Variants in SLFN11 observed in about 807,000 individuals in gnomAD.
SLFN11 encodes the protein schlafen family member 11.
SLFN11 carries 43 observed loss-of-function variants against 53.4 expected under a neutral mutation model. The ratio of observed to expected loss-of-function variants is 0.80; its 90% CI spans 0.63 to 1.04. The LOEUF (loss-of-function observed/expected upper bound fraction) is 1.04, where lower values mean the gene tolerates loss of function less well. SLFN11 is among the 50% of genes least tolerant of loss of function. SLFN11 has a pLI of 0.00. For missense variants in SLFN11, 990 were observed against 1,079.1 expected (o/e 0.92, Z 1.16); for synonymous variants, 389 against 394.7 (o/e 0.99, Z 0.17).
At position 35,353,838 on chromosome 17, in the gene SLFN11, TG is replaced by T. The variant is rs768750393; in HGVS notation, c.1419del (p.Tyr473Ter). 36 of 1,604,008 alleles carry T rather than the reference TG, an allele frequency of 2.2e-5. No homozygotes were observed. Among genetic ancestry groups the T allele is most frequent in the Non-Finnish European group, 3.1e-5 (36 of 1,173,210 alleles). Reference protein sequence around the residue: ...LIAQNSTPILYTILREQDAEG... With the variant: ...LIAQNSTPILXTILREQDAEG... ...TCTGCATCTTGCTCCCTGAGAATGG[TG>T]TAGAGAATGGGGGTGCTGTTCTGTG... On this transcript the variant is annotated frameshift_variant, in exon 6 of 7. Transcript: ENST00000685675. LOFTEE classifies it high-confidence loss of function.
chr17:35,358,412 C>T lies in SLFN11; in HGVS notation c.1198+1831G>A, dbSNP rs182459139. ...ATTTTAATCCCTCTAATTTCTTTCT[C>T]TTATCTAACTGTATTGGCCAATTAA... On this transcript the variant is annotated intron_variant, in intron 5 of 6. Coordinates refer to ENST00000685675, the MANE Select transcript of SLFN11 (RefSeq NM_001376007.1). Among the ~76,000 whole-genome samples, 174 of 151,700 alleles carry T rather than the reference C, an allele frequency of 1.1e-3. 1 individual carries two copies. The highest frequency in any genetic ancestry group is 4.1e-3 in the African/African-American group (168 of 41,434).
chr17:35,352,697 T>C lies in SLFN11; in HGVS notation c.2365A>G (p.Met789Val), dbSNP rs778886502. 2.5e-6 allele frequency: 4 copies of C among 1,614,198 alleles called. No homozygotes were observed. Among genetic ancestry groups the C allele is most frequent in the East Asian group, 2.2e-5 (1 of 44,892 alleles). Residue 789 changes from methionine to valine, a missense_variant, in exon 7 of 7, where the codon ATG (methionine) becomes GTG (valine). Around this residue, in one of 3 missense-constraint regions of SLFN11, gnomAD observed 313 missense variants for 320.9 expected, o/e 0.98. Coordinates refer to ENST00000685675, the MANE Select transcript of SLFN11 (RefSeq NM_001376007.1). ...CTGCACGTGTCTGCCACACAGGTCATTATTTGCTCCACAGTCAAGTATTTC... is the reference window on the plus strand; with the variant it reads ...CTGCACGTGTCTGCCACACAGGTCACTATTTGCTCCACAGTCAAGTATTTC... Reference protein sequence around the residue: ...IKKYLTVEQIMTCVADTCRRF... With the variant: ...IKKYLTVEQIVTCVADTCRRF...
In SLFN11 at chr17:35,363,709, C is replaced by T. The variant is rs765768730; in HGVS notation, c.99G>A (p.Lys33=). The part of the protein sequence containing the change: ...EVTLGEENRK[K]LQKIQRDQEK... ...CTTGGTCTCTCTGAATTTTCTGCAG[C>T]TTTTTTCTGTTTTCTTCTCCAAGAG... The change falls in exon 4 of 7, where the codon AAG becomes AAA. Residue 33 remains lysine, a synonymous_variant. Transcript: ENST00000685675. 12 of 1,613,906 alleles carry T rather than the reference C, an allele frequency of 7.4e-6. No individual in the cohort carries two copies. Among genetic ancestry groups the T allele is most frequent in the South Asian group, 2.2e-5 (2 of 91,072 alleles).
rs1157422213 is a variant in SLFN11, at chr17:35,354,033, G to T, written c.1225C>A (p.Pro409Thr). The T allele has an allele frequency of 1.2e-6, 2 of 1,612,104 alleles. No homozygotes were observed. The highest frequency in any genetic ancestry group is 1.7e-5 in the Admixed American group (1 of 59,826). The change falls in exon 6 of 7, where the codon CCA becomes ACA. Residue 409 changes from proline to threonine, a missense_variant. Physicochemically the swap from Pro to Thr is conservative, Grantham distance 38 (BLOSUM62 -1). Transcript: ENST00000685675. ...SVPPGYLRYT[P>T]ESLWRDLISE... Reference sequence around the variant, plus strand: ...ATCAGGTCCCTCCAGAGTGACTCTGGAGTATATCGCAAATATCCTGGTGGG... The same window carrying T: ...ATCAGGTCCCTCCAGAGTGACTCTGTAGTATATCGCAAATATCCTGGTGGG...
At chr17:35,353,305 A>G (rs1320609273) in intron 6 of SLFN11, 31 bp downstream of exon 6, 4 of 1,613,580 alleles carry the variant, frequency 2.5e-6, no homozygotes, top group Admixed American at 3.3e-5. Context: ...AGATTAAATA[A>G]TACTTAGAGA....
chr17:35,372,784 A>G (rs964934311), intron 1 of SLFN11, among the ~76,000 whole-genome samples: 4 of 152,062 alleles, frequency 2.6e-5, no homozygotes, highest in African/African-American at 9.7e-5. Flanking sequence ...CACAGAAATT[A>G]AAAATTAATT....
rs76350620 is a variant in SLFN11 at position 35,352,166 on chromosome 17, G to A, written c.*190C>T. ...GCTGGAAGAGTCAGGGGTCAGAATG[G>A]GGGGCAGCCACCGCTGCTGAAAGGG... On this transcript the variant is annotated 3_prime_UTR_variant, in exon 7 of 7. Coordinates refer to ENST00000685675, the MANE Select transcript of SLFN11 (RefSeq NM_001376007.1). The A allele has an allele frequency of 0.035, 22,505 of 644,002 alleles. 440 individuals carry two copies. The highest frequency in any genetic ancestry group is 0.074 in the East Asian group (2,649 of 35,666). 39.9% of individuals were successfully genotyped at this position (644,002 alleles called of 1,614,324 possible). A position where few individuals can be genotyped will look rare whatever the true frequency, so the allele number is the denominator to read the frequency against.
In SLFN11 at chr17:35,352,899, T is replaced by A. The variant is rs1290831310; in HGVS notation, c.2163A>T (p.Gln721His). ...TTCTGGTGAGCTCTTCTCTTGGATATTGGTCTGAGAGAGGAGGGAGGCCAC... is the reference window on the plus strand; with the variant it reads ...TTCTGGTGAGCTCTTCTCTTGGATAATGGTCTGAGAGAGGAGGGAGGCCAC... ...DCSGLPPLSD[Q>H]YPREELTRIV... Residue 721 changes from glutamine to histidine, a missense_variant, in exon 7 of 7, where the codon CAA (glutamine) becomes CAT (histidine). Gln to His is a conservative substitution (Grantham distance 24). Around this residue, in one of 3 missense-constraint regions of SLFN11, gnomAD observed 313 missense variants for 320.9 expected, o/e 0.98. Transcript: ENST00000685675. 1.2e-6 allele frequency: 2 copies of A among 1,614,084 alleles called. No individual in the cohort carries two copies. Among genetic ancestry groups the A allele is most frequent in the Admixed American group, 3.3e-5 (2 of 59,998 alleles).
intron 5 of SLFN11, among the ~76,000 whole-genome samples, chr17:35,355,447 C>A (rs1289140179): frequency 6.6e-6 from 1 of 152,024 alleles, no homozygotes; most frequent in African/African-American, 2.4e-5. Flanking sequence ...AACATCACAC[C>A]ACTAGGAAAT....
At chr17:35,353,181 A>C in intron 6 of SLFN11, 42 bp from the exon 7 acceptor site, 2 of 1,596,570 alleles carry the variant, frequency 1.3e-6, no homozygotes, top group Non-Finnish European at 1.7e-6. Flanking sequence ...TCTCTAAAAA[A>C]ACAAGGGGAG....
At chr17:35,368,861 T>C (rs1909291065) in intron 1 of SLFN11, among the ~76,000 whole-genome samples, 1 of 151,964 alleles carries the variant, frequency 6.6e-6, no homozygotes, top group Non-Finnish European at 1.5e-5. Context: ...CCAGACCCTA[T>C]CTCCTGGACA....
intron 1 of SLFN11, among the ~76,000 whole-genome samples, chr17:35,370,334 C>G (rs1909491926): frequency 6.6e-6 from 1 of 152,064 alleles, no homozygotes; most frequent in African/African-American, 2.4e-5. Context: ...CATACCACAA[C>G]ATAATAAAAT....
intron 5 of SLFN11, 29 bp from the exon 6 acceptor site, chr17:35,354,088 G>A: frequency 6.5e-7 from 1 of 1,536,714 alleles, no homozygotes; most frequent in Non-Finnish European, 8.8e-7. Context: ...ATAAATTAGA[G>A]GAAGAGAAAT....
At position 35,352,793 on chromosome 17, in the gene SLFN11, G is replaced by A. The variant is rs1906889762; in HGVS notation, c.2269C>T (p.Pro757Ser). 1.2e-6 allele frequency: 2 copies of A among 1,614,046 alleles called. No homozygotes were observed. Among genetic ancestry groups the A allele is most frequent in the Middle Eastern group, 1.6e-4 (1 of 6,084 alleles). The change falls in exon 7 of 7, where the codon CCC becomes TCC. Residue 757 changes from proline to serine, a missense_variant. By Grantham distance (74) the Pro-to-Ser change is moderately conservative (BLOSUM62 -1). Coordinates refer to ENST00000685675, the MANE Select transcript of SLFN11 (RefSeq NM_001376007.1). ...GGAAATACCTCGAGGCACCCAGTGG[G>A]GATGTTAAATGAAGGATTACTTCTA... ...VIRSNPSFNI[P>S]TGCLEVFPEA...
intron 1 of SLFN11, among the ~76,000 whole-genome samples, chr17:35,372,372 A>C (rs1444345784): frequency 2.0e-5 from 3 of 152,138 alleles, no homozygotes. Flanking sequence ...AAAAATTAGA[A>C]TGAATAAGAC....
intron 1 of SLFN11, among the ~76,000 whole-genome samples, chr17:35,368,695 C>T (rs1308047958): frequency 2.0e-5 from 3 of 152,092 alleles, no homozygotes; most frequent in African/African-American, 7.2e-5. Flanking sequence ...ACCCCTCCCC[C>T]AACCCCAGAC....
In SLFN11 at chr17:35,353,972, T is replaced by C; in HGVS notation, c.1286A>G (p.Lys429Arg). The C allele has an allele frequency of 6.2e-7, 1 of 1,614,098 alleles. No homozygotes were observed. The highest frequency in any genetic ancestry group is 1.1e-5 in the South Asian group (1 of 91,088). Residue 429 changes from lysine (K) to arginine (R), a missense_variant, in exon 6 of 7, where the codon AAG becomes AGG. Physicochemically the swap from Lys to Arg is conservative, Grantham distance 26 (BLOSUM62 2). Around this residue, in one of 3 missense-constraint regions of SLFN11, gnomAD observed 521 missense variants for 516.2 expected, o/e 1.01. Coordinates refer to ENST00000685675, the MANE Select transcript of SLFN11 (RefSeq NM_001376007.1). Reference sequence around the variant, plus strand: ...TCCCCGAAAGAAAGGTTGCATTTGCTTATTTATTAACTCCTCTAGTCCTCT... The same window carrying C: ...TCCCCGAAAGAAAGGTTGCATTTGCCTATTTATTAACTCCTCTAGTCCTCT... ...EHRGLEELIN[K>R]QMQPFFRGIL...
In SLFN11 at chr17:35,354,002, T is replaced by C; in HGVS notation, c.1256A>G (p.Glu419Gly). 1.2e-6 allele frequency: 2 copies of C among 1,613,914 alleles called. No homozygotes were observed. Among genetic ancestry groups the C allele is most frequent in the Non-Finnish European group, 1.7e-6 (2 of 1,179,944 alleles). Residue 419 changes from glutamate to glycine, a missense_variant, in exon 6 of 7, where the codon GAG (glutamate) becomes GGG (glycine). This residue lies in a region of SLFN11 where 521 missense variants were observed against 516.2 expected (regional missense o/e 1.01). Coordinates refer to ENST00000685675, the MANE Select transcript of SLFN11 (RefSeq NM_001376007.1). ...TATTAACTCCTCTAGTCCTCTGTGC[T>C]CTGAGATCAGGTCCCTCCAGAGTGA... ...PESLWRDLIS[E>G]HRGLEELINK...
chr17:35,352,469 C>T lies in SLFN11; in HGVS notation c.2593G>A (p.Val865Met). The T allele has an allele frequency of 6.2e-7, 1 of 1,614,204 alleles. No homozygotes were observed. The highest frequency in any genetic ancestry group is 8.5e-7 in the Non-Finnish European group (1 of 1,180,036). Residue 865 changes from valine to methionine, a missense_variant, in exon 7 of 7, where the codon GTG (valine) becomes ATG (methionine). By Grantham distance (21) the Val-to-Met change is conservative (BLOSUM62 1). This residue lies in a region of SLFN11 where 313 missense variants were observed against 320.9 expected (regional missense o/e 0.98). Coordinates refer to ENST00000685675, the MANE Select transcript of SLFN11 (RefSeq NM_001376007.1). ...GCTGTCCTTGGATGGATCCCAAACA[C>T]TATGCTCCTTTCCAGGCCTGAGAAT... is the stretch of plus-strand genomic sequence containing the variant. ...RRFSGLERSIVFGIHPRTADP... is the reference protein window; with the variant it reads ...RRFSGLERSIMFGIHPRTADP...
Sources: allele counts gnomAD v4.1 joint callset (sites outside exome capture counted in the v4.1 genomes callset), GRCh38; gene constraint gnomAD v4.1.1; regional missense constraint gnomAD v4.1.1; transcripts MANE v1.5; gene names NCBI Gene and HGNC (gene_info 2026-07-23, HGNC 2026-07-21).